The following ZNF385D variants were observed in gnomAD, a reference collection of about 807,000 sequenced individuals.
ZNF385D encodes the protein zinc finger protein 659.
In ZNF385D, 15 loss-of-function variants were observed where a neutral mutation model predicts 35.8. The observed-to-expected ratio is 0.42, with a 90% CI of 0.28 to 0.64. The LOEUF is 0.64. Ranked by LOEUF, ZNF385D falls within the 30% of genes least tolerant of loss-of-function variation. The probability of loss-of-function intolerance (pLI) is 0.23; values close to 1 mark genes in which losing one functional copy is unlikely to be tolerated. For missense variants in ZNF385D, 474 were observed against 494.6 expected (o/e 0.96, Z 0.39); for synonymous variants, 212 against 186.8 (o/e 1.13, Z -1.10).
intron 3 of ZNF385D, among the ~76,000 whole-genome samples, chr3:22,092,050 G>A (rs1258071451): frequency 1.3e-5 from 2 of 152,174 alleles, no homozygotes; most frequent in African/African-American, 4.8e-5. Flanking sequence ...GAAATACAGA[G>A]TTGTTTCACT....
chr3:22,041,856 T>C (rs752915023), intron 3 of ZNF385D, among the ~76,000 whole-genome samples: 1 of 151,890 alleles, frequency 6.6e-6, no homozygotes, highest in African/African-American at 2.4e-5. Context: ...GGTAGGGAAA[T>C]GGACAGTTCA....
At chr3:22,028,658 C>G (rs1447761496) in intron 3 of ZNF385D, among the ~76,000 whole-genome samples, 1 of 152,198 alleles carries the variant, frequency 6.6e-6, no homozygotes, top group Non-Finnish European at 1.5e-5. Context: ...CATCTGTGGA[C>G]TTATGGGATG....
At chr3:21,688,526 A>G (rs1021243224) in intron 1 of ZNF385D, among the ~76,000 whole-genome samples, 8 of 152,172 alleles carry the variant, frequency 5.3e-5, no homozygotes, top group African/African-American at 1.9e-4. Context: ...AACAAAACTT[A>G]GAAAACAAGT....
At chr3:22,070,605 T>A (rs1396300658) in intron 3 of ZNF385D, among the ~76,000 whole-genome samples, 1 of 152,128 alleles carries the variant, frequency 6.6e-6, no homozygotes, top group Non-Finnish European at 1.5e-5. Context: ...TGGACAAACA[T>A]CTGTTCTAGT....
At chr3:21,692,613 G>C (rs921820954) in intron 1 of ZNF385D, among the ~76,000 whole-genome samples, 2 of 152,174 alleles carry the variant, frequency 1.3e-5, no homozygotes, top group African/African-American at 4.8e-5. Context: ...TTTCCAGCTT[G>C]AGCTGCTGAT....
chr3:21,792,012 C>T (rs1414501608), intron 3 of ZNF385D, among the ~76,000 whole-genome samples: 4 of 152,150 alleles, frequency 2.6e-5, no homozygotes, highest in African/African-American at 9.7e-5. Context: ...GGATTCCAGG[C>T]GTGAGCCACT....
intron 2 of ZNF385D, among the ~76,000 whole-genome samples, chr3:21,622,297 CACAA>C (rs1313049465): frequency 6.6e-6 from 1 of 152,112 alleles, no homozygotes; most frequent in Admixed American, 6.6e-5. Context: ...TTTGCCTTGA[CACAA>C]ACAGTTAACA....
intron 2 of ZNF385D, among the ~76,000 whole-genome samples, chr3:22,182,217 ATAAT>A (rs1363163439): frequency 2.0e-5 from 3 of 152,168 alleles, no homozygotes; most frequent in Non-Finnish European, 2.9e-5. Flanking sequence ...CTCTCTTGCA[ATAAT>A]TAATATTAAA....
chr3:22,258,338 T>A, intron 2 of ZNF385D, among the ~76,000 whole-genome samples: 1 of 151,568 alleles, frequency 6.6e-6, no homozygotes, highest in African/African-American at 2.4e-5. Context: ...GCAGAATAAG[T>A]GAAGAAAAAA....
chr3:22,346,874 G>A (rs534562023), intron 2 of ZNF385D, among the ~76,000 whole-genome samples: 1 of 152,178 alleles, frequency 6.6e-6, no homozygotes, highest in African/African-American at 2.4e-5. Context: ...TCCAGAGTGC[G>A]ACACTACACT....
chr3:21,692,172 G>A (rs1010024775), intron 1 of ZNF385D, among the ~76,000 whole-genome samples: 1 of 151,982 alleles, frequency 6.6e-6, no homozygotes, highest in African/African-American at 2.4e-5. Flanking sequence ...CACTTTTCTG[G>A]GTGGCATATA....
intron 3 of ZNF385D, among the ~76,000 whole-genome samples, chr3:21,949,538 C>T (rs58051265): frequency 0.85 from 106,389 of 125,782 alleles, 45,444 homozygotes; most frequent in Middle Eastern, 0.91. Context: ...ATTTTCTTTC[C>T]TTCTTTTCTT....
intron 2 of ZNF385D, chr3:21,579,275 T>A (rs2063583217): frequency 6.6e-6 from 1 of 152,210 alleles, no homozygotes; most frequent in Admixed American, 6.5e-5. Flanking sequence ...AGAAATCTAT[T>A]CTGTTACCAG....
intron 3 of ZNF385D, among the ~76,000 whole-genome samples, chr3:21,900,464 A>T (rs889714379): frequency 6.6e-6 from 1 of 152,204 alleles, no homozygotes; most frequent in Non-Finnish European, 1.5e-5. Context: ...GCTGATTACT[A>T]TAACAAAAAG....
At chr3:21,423,513 A>G (rs1033153508) in intron 7 of ZNF385D, among the ~76,000 whole-genome samples, 1 of 152,160 alleles carries the variant, frequency 6.6e-6, no homozygotes. Context: ...GTCCTACCAA[A>G]ATATCCAGGT....
At chr3:22,079,287 C>CGGT (rs1700622047) in intron 3 of ZNF385D, among the ~76,000 whole-genome samples, 1 of 151,402 alleles carries the variant, frequency 6.6e-6, no homozygotes, top group Non-Finnish European at 1.5e-5. Context: ...GATATATCTG[C>CGGT]TTTGTAAATA....
At chr3:22,209,959 T>C (rs937497208) in intron 2 of ZNF385D, among the ~76,000 whole-genome samples, 3 of 151,854 alleles carry the variant, frequency 2.0e-5, no homozygotes, top group Admixed American at 6.6e-5. Flanking sequence ...TTTCTAGATA[T>C]TGAAAACTTC....
At chr3:21,634,560 A>T (rs2065374956) in intron 2 of ZNF385D, among the ~76,000 whole-genome samples, 1 of 152,068 alleles carries the variant, frequency 6.6e-6, no homozygotes, top group African/African-American at 2.4e-5. Flanking sequence ...AGAAGTACTT[A>T]TCAATATTCA....
chr3:21,979,936 G>C (rs571010998), intron 3 of ZNF385D: 1 of 152,232 alleles, frequency 6.6e-6, no homozygotes, highest in African/African-American at 2.4e-5. Flanking sequence ...ACCTAATTCT[G>C]CCTCTTCTTA....
Sources: allele counts gnomAD v4.1 joint callset (sites outside exome capture counted in the v4.1 genomes callset), GRCh38; gene constraint gnomAD v4.1.1; transcripts MANE v1.5; gene names NCBI Gene and HGNC (gene_info 2026-07-23, HGNC 2026-07-21).